RYK: variants seen among roughly 807,000 people sequenced by gnomAD.
RYK encodes inactive tyrosine-protein kinase RYK.
Under a neutral mutation model 70.2 loss-of-function variants are expected in RYK, and 21 were observed. That is an observed-to-expected ratio of 0.30 (90% CI 0.21 to 0.43). The LOEUF (loss-of-function observed/expected upper bound fraction) is 0.43. RYK is among the 20% of genes least tolerant of loss of function. The pLI is 1.00. For missense variants in RYK, 604 were observed against 753.3 expected, an observed-to-expected ratio of 0.80 and a Z score of 2.32; for synonymous variants, 267 against 278.0, an observed-to-expected ratio of 0.96 and a Z score of 0.39.
At chr3:134,181,981 C>T (rs567248522) in intron 10 of RYK, among the ~76,000 whole-genome samples, 2 of 152,078 alleles carry the variant, frequency 1.3e-5, no homozygotes, top group Admixed American at 6.5e-5. Context: ...GTGGCTAACA[C>T]GGTGAAACCC....
intron 13 of RYK, among the ~76,000 whole-genome samples, chr3:134,174,673 T>C (rs972986501): frequency 6.6e-6 from 1 of 152,062 alleles, no homozygotes; most frequent in Non-Finnish European, 1.5e-5. Flanking sequence ...GAAAATAAAT[T>C]ACACTTAGTC....
At chr3:134,190,894 A>C (rs2013622870) in intron 8 of RYK, among the ~76,000 whole-genome samples, 1 of 152,228 alleles carries the variant, frequency 6.6e-6, no homozygotes, top group African/African-American at 2.4e-5. Flanking sequence ...GATTGCAAAA[A>C]GATCTGCAAA....
At chr3:134,216,591 G>A (rs1185585495) in intron 2 of RYK, among the ~76,000 whole-genome samples, 1 of 151,762 alleles carries the variant, frequency 6.6e-6, no homozygotes, top group Non-Finnish European at 1.5e-5. Context: ...AGGAAATTGA[G>A]ACCATCCTGG....
chr3:134,162,310 AAC>A (rs2012504686), intron 13 of RYK, among the ~76,000 whole-genome samples: 1 of 151,848 alleles, frequency 6.6e-6, no homozygotes, highest in African/African-American at 2.4e-5. Flanking sequence ...AAACTTTCAG[AAC>A]ACAGAGGAAG....
chr3:134,198,667 C>A (rs902026735), intron 6 of RYK, among the ~76,000 whole-genome samples: 9 of 152,204 alleles, frequency 5.9e-5, no homozygotes, highest in African/African-American at 2.2e-4. Flanking sequence ...GAAAACCACG[C>A]TTCCCTGGGA....
At chr3:134,247,263 CAA>C (rs1436825131) in intron 1 of RYK, among the ~76,000 whole-genome samples, 2 of 151,920 alleles carry the variant, frequency 1.3e-5, no homozygotes, top group Non-Finnish European at 2.9e-5. Flanking sequence ...ACTAGAAAGT[CAA>C]AGACTTATTC....
chr3:134,193,845 A>G lies in RYK; in HGVS notation c.889+1237T>C, dbSNP rs377094191. 1.9e-4 allele frequency among the ~76,000 whole-genome samples: 29 copies of G among 152,316 alleles called. No homozygotes were observed. The East Asian group carries it at 2.7e-3, about 14-fold the overall frequency. ...TACTTCTTCAAGTAGTATTTCCTGT[A>G]AACTGTAAGTCAGGTCTATAACCTT... On this transcript the variant is annotated intron_variant, in intron 7 of 14. Transcript: ENST00000623711.
intron 8 of RYK, among the ~76,000 whole-genome samples, chr3:134,190,084 T>C (rs2013599419): frequency 6.6e-6 from 1 of 152,202 alleles, no homozygotes; most frequent in Non-Finnish European, 1.5e-5. Flanking sequence ...ATCATCAGGT[T>C]TCACTGTGGC....
At chr3:134,237,653 T>C (rs2015227984) in intron 1 of RYK, among the ~76,000 whole-genome samples, 1 of 152,210 alleles carries the variant, frequency 6.6e-6, no homozygotes. Context: ...GAATGACCTT[T>C]GGCAACCAAT....
intron 1 of RYK, among the ~76,000 whole-genome samples, chr3:134,225,694 A>G (rs895631694): frequency 9.9e-5 from 15 of 152,136 alleles, no homozygotes; most frequent in Non-Finnish European, 1.9e-4. Flanking sequence ...TCTCTATAAA[A>G]AACTTTTTTT....
chr3:134,207,427 T>C, intron 5 of RYK, 45 bp downstream of exon 5: 2 of 1,294,632 alleles, frequency 1.5e-6, no homozygotes, highest in Middle Eastern at 4.4e-4. Context: ...CAGTCAACCA[T>C]TTTTCATTTC....
chr3:134,180,698 A>G (rs2013265203), intron 10 of RYK: 1 of 152,238 alleles, frequency 6.6e-6, no homozygotes, highest in African/African-American at 2.4e-5. Context: ...GGCCCTGGTC[A>G]CCTTAAAAAT....
chr3:134,227,251 C>T (rs1351790764), intron 1 of RYK, among the ~76,000 whole-genome samples: 2 of 152,018 alleles, frequency 1.3e-5, no homozygotes, highest in Non-Finnish European at 2.9e-5. Context: ...AACTATAAAA[C>T]ATGGCTAAGA....
chr3:134,195,226 A>G (rs774811427), intron 6 of RYK, 44 bp from the exon 7 acceptor site: 7 of 1,452,172 alleles, frequency 4.8e-6, no homozygotes, highest in Non-Finnish European at 6.7e-6. Context: ...GTCAGTTTCA[A>G]TGAGAAATTT....
rs779123843 is a variant in RYK at position 134,207,456 on chromosome 3, A to G, written c.643+16T>C. The G allele has an allele frequency of 2.7e-6, 4 of 1,499,626 alleles. No homozygotes were observed. In the South Asian group the frequency reaches 3.9e-5, roughly 14 times the overall value. 92.9% of individuals were successfully genotyped at this position (1,499,626 alleles called of 1,614,324 possible). ...TCATTTCTAATAATGGATAAAGATA[A>G]TACAGTAACACTTACAAATAGTTCT... On this transcript the variant is annotated intron_variant, in intron 5 of 14. Coordinates refer to ENST00000623711, the MANE Select transcript of RYK (RefSeq NM_002958.4).
In RYK at chr3:134,222,543, GA is replaced by G; in HGVS notation, c.233-5del. ...TAATAAAGTTCTGCATCAAGACCTA[GA>G]AAAAAATAGGAAAAAAATAATTAAA... On this transcript the variant is annotated splice_region_variant and splice_polypyrimidine_tract_variant and intron_variant, in intron 1 of 14. Transcript: ENST00000623711. The G allele has an allele frequency of 2.5e-6, 4 of 1,580,694 alleles. No homozygotes were observed. The highest frequency in any genetic ancestry group is 3.4e-6 in the Non-Finnish European group (4 of 1,161,218).
intron 1 of RYK, among the ~76,000 whole-genome samples, chr3:134,250,214 C>G (rs1559770904): frequency 6.6e-6 from 1 of 152,064 alleles, no homozygotes; most frequent in East Asian, 1.9e-4. Context: ...GAGGGCGGCA[C>G]GAAGGCTGAC....
intron 2 of RYK, among the ~76,000 whole-genome samples, chr3:134,215,452 T>C (rs567772924): frequency 1.3e-5 from 2 of 152,360 alleles, no homozygotes; most frequent in South Asian, 2.1e-4. Context: ...GGCTCCTTTT[T>C]TGAGGAACTG....
At chr3:134,209,488 A>G (rs1166438199) in intron 4 of RYK, among the ~76,000 whole-genome samples, 1 of 152,206 alleles carries the variant, frequency 6.6e-6, no homozygotes, top group Non-Finnish European at 1.5e-5. Context: ...AAAAGATTTG[A>G]GAAAGCATGG....
Sources: gnomAD v4.1 joint callset for allele counts (sites outside exome capture counted in the v4.1 genomes callset) on GRCh38, gnomAD v4.1.1 for gene constraint, MANE v1.5 for transcripts, NCBI Gene and HGNC (gene_info 2026-07-23, HGNC 2026-07-21) for gene names.